Variants in GLI2 observed in about 807,000 individuals in gnomAD.
GLI2 encodes the protein transcription activator GLI2.
A neutral mutation model predicts 78.9 loss-of-function variants in GLI2; 22 were observed. The ratio of observed to expected loss-of-function variants is 0.28; its 90% CI spans 0.20 to 0.40. GLI2 has a LOEUF of 0.40. GLI2 is among the 10% of genes least tolerant of loss of function. GLI2 has a pLI of 1.00. For synonymous variants in GLI2, 974 were observed against 963.7 expected (o/e 1.01, Z -0.20); for missense variants, 2,097 against 2,213.2 (o/e 0.95, Z 1.05).
intron 2 of GLI2, among the ~76,000 whole-genome samples, chr2:120,881,893 T>C (rs1677171257): frequency 6.6e-6 from 1 of 151,626 alleles, no homozygotes; most frequent in African/African-American, 2.4e-5. Context: ...GGCGGCATCA[T>C]GAACTTTTGG....
At chr2:120,873,653 C>G (rs1328448511) in intron 2 of GLI2, among the ~76,000 whole-genome samples, 1 of 152,158 alleles carries the variant, frequency 6.6e-6, no homozygotes, top group Non-Finnish European at 1.5e-5. Context: ...GCTCTGCAGT[C>G]TACATTTTGG....
intron 1 of GLI2, among the ~76,000 whole-genome samples, chr2:120,769,501 A>G (rs543024930): frequency 2.0e-5 from 3 of 152,276 alleles, no homozygotes; most frequent in African/African-American, 7.2e-5. Context: ...GACCTGGCCC[A>G]GCGCTCCCAG....
At chr2:120,751,672 C>T (rs1230353054) in intron 1 of GLI2, among the ~76,000 whole-genome samples, 1 of 151,912 alleles carries the variant, frequency 6.6e-6, no homozygotes, top group Non-Finnish European at 1.5e-5. Context: ...TGGGTAATGC[C>T]CTAGCATCTT....
At chr2:120,959,528 C>T (rs1405909493) in intron 5 of GLI2, among the ~76,000 whole-genome samples, 1 of 152,214 alleles carries the variant, frequency 6.6e-6, no homozygotes, top group African/African-American at 2.4e-5. Context: ...CCAGAACCTT[C>T]GCTTCACCTT....
At chr2:120,882,245 G>C (rs565596359) in intron 2 of GLI2, among the ~76,000 whole-genome samples, 1 of 152,116 alleles carries the variant, frequency 6.6e-6, no homozygotes, top group South Asian at 2.1e-4. Flanking sequence ...CATGGACAAC[G>C]TGAGGGAAGG....
chr2:120,901,288 A>G (rs1275959708), intron 2 of GLI2, among the ~76,000 whole-genome samples: 4 of 152,210 alleles, frequency 2.6e-5, no homozygotes, highest in Non-Finnish European at 4.4e-5. Context: ...GGCGGGATCT[A>G]AAGAGGCATC....
chr2:120,745,487 G>T (rs1682667294), intron 1 of GLI2, among the ~76,000 whole-genome samples: 1 of 152,166 alleles, frequency 6.6e-6, no homozygotes, highest in African/African-American at 2.4e-5. Context: ...TCAGGCCTGG[G>T]AGCTGGAAGG....
At chr2:120,896,058 T>G (rs888900522) in intron 2 of GLI2, among the ~76,000 whole-genome samples, 1 of 152,126 alleles carries the variant, frequency 6.6e-6, no homozygotes, top group African/African-American at 2.4e-5. Flanking sequence ...TGTGTGAAGG[T>G]TCTAGGGTTG....
In GLI2 at chr2:120,878,789, C is replaced by T. The variant is rs199670926; in HGVS notation, c.149-48572C>T. Among the ~76,000 whole-genome samples the T allele has an allele frequency of 1.7e-4, 26 of 152,048 alleles. No individual in the cohort carries two copies. In the East Asian group the frequency reaches 4.1e-3, roughly 24 times the overall value. ...TCTACTAAAAATACAAAAAATTAGC[C>T]GGGCGTGGTGGTGCGTGCCTGTAAT... On this transcript the variant is annotated intron_variant, in intron 2 of 13. Coordinates refer to ENST00000361492, the MANE Select transcript of GLI2 (RefSeq NM_001374353.1).
At chr2:120,924,057 C>T (rs1019845957) in intron 2 of GLI2, among the ~76,000 whole-genome samples, 1 of 152,142 alleles carries the variant, frequency 6.6e-6, no homozygotes, top group Non-Finnish European at 1.5e-5. Context: ...GTGGGGTGGT[C>T]TGGGCTCTGA....
chr2:120,796,096 A>G (rs1226982201), intron 1 of GLI2, among the ~76,000 whole-genome samples: 2 of 152,154 alleles, frequency 1.3e-5, no homozygotes, highest in Non-Finnish European at 2.9e-5. Flanking sequence ...ACATGTGACC[A>G]TCAGATTTAT....
chr2:120,859,072 T>G (rs1041040973), intron 2 of GLI2, among the ~76,000 whole-genome samples: 6 of 152,192 alleles, frequency 3.9e-5, no homozygotes, highest in Non-Finnish European at 8.8e-5. Context: ...AGGGTTTTCT[T>G]AAGCAGTATT....
At chr2:120,970,658 G>T (rs769980693) in intron 7 of GLI2, 52 bp downstream of exon 7, 26 of 1,441,486 alleles carry the variant, frequency 1.8e-5, no homozygotes, top group Non-Finnish European at 2.5e-5. Context: ...CTGGACACAT[G>T]AGGGTTGTTC....
At chr2:120,904,781 C>A (rs13428434) in intron 2 of GLI2, among the ~76,000 whole-genome samples, 5,186 of 152,234 alleles carry the variant, frequency 0.034, 317 homozygotes, top group African/African-American at 0.12. Context: ...CCTATGCCTC[C>A]AGAGCCTGCG....
At chr2:120,901,255 G>A (rs181175745) in intron 2 of GLI2, among the ~76,000 whole-genome samples, 24 of 152,220 alleles carry the variant, frequency 1.6e-4, no homozygotes, top group African/African-American at 5.8e-4. Flanking sequence ...AGCAGAGCTG[G>A]TCCTAAGTAA....
intron 2 of GLI2, among the ~76,000 whole-genome samples, chr2:120,881,521 G>T (rs1677123536): frequency 7.5e-6 from 1 of 133,944 alleles, no homozygotes; most frequent in Non-Finnish European, 1.6e-5. Context: ...TCAAGGGAGG[G>T]CAGGTGGGAG....
intron 2 of GLI2, among the ~76,000 whole-genome samples, chr2:120,918,013 A>C (rs1679185258): frequency 6.6e-6 from 1 of 152,218 alleles, no homozygotes; most frequent in Non-Finnish European, 1.5e-5. Context: ...CTTTCCTGCA[A>C]AGCCATGGCT....
At chr2:120,919,814 C>T (rs1044234220) in intron 2 of GLI2, among the ~76,000 whole-genome samples, 6 of 145,698 alleles carry the variant, frequency 4.1e-5, no homozygotes, top group East Asian at 4.2e-4. Flanking sequence ...ATGCAGCTAC[C>T]GCACTGGCCT....
At chr2:120,846,660 A>G (rs1270200199) in intron 2 of GLI2, among the ~76,000 whole-genome samples, 1 of 152,168 alleles carries the variant, frequency 6.6e-6, no homozygotes, top group African/African-American at 2.4e-5. Context: ...GTTCCCCTCA[A>G]TGAGTCTGGC....
Sources: allele counts gnomAD v4.1 joint callset (sites outside exome capture counted in the v4.1 genomes callset), GRCh38; gene constraint gnomAD v4.1.1; transcripts MANE v1.5; gene names NCBI Gene and HGNC (gene_info 2026-07-23, HGNC 2026-07-21).